RBL1: variants seen among roughly 807,000 people sequenced by gnomAD.
RBL1 encodes RB transcriptional corepressor like 1.
A neutral mutation model predicts 123.0 loss-of-function variants in RBL1; 82 were observed. The ratio of observed to expected loss-of-function variants is 0.67; its 90% confidence interval spans 0.56 to 0.80. The LOEUF is 0.80. RBL1 is among the 30% of genes least tolerant of loss of function. The probability of loss-of-function intolerance (pLI) is 0.00; values close to 1 mark genes in which losing one functional copy is unlikely to be tolerated. For synonymous variants in RBL1, 405 were observed against 441.3 expected (o/e 0.92, Z 1.03); for missense variants, 1,171 against 1,299.6 (o/e 0.90, Z 1.52).
At chr20:37,082,403 G>A (rs889586778) in intron 2 of RBL1, among the ~76,000 whole-genome samples, 1 of 152,096 alleles carries the variant, frequency 6.6e-6, no homozygotes, top group African/African-American at 2.4e-5. Flanking sequence ...GTGAAGGTAT[G>A]CTGAACTTAA....
chr20:37,042,398 G>A (rs2064744221), intron 13 of RBL1, among the ~76,000 whole-genome samples: 1 of 152,116 alleles, frequency 6.6e-6, no homozygotes, highest in Non-Finnish European at 1.5e-5. Context: ...ACAAGCATTA[G>A]CAAGGATATG....
At position 37,077,788 on chromosome 20, in the gene RBL1, A is replaced by G. The variant is rs200583434; in HGVS notation, c.291-9602T>C. 8.7e-3 allele frequency among the ~76,000 whole-genome samples: 748 copies of G among 86,022 alleles called. 12 individuals carry two copies. The East Asian group carries it at 0.12, about 14-fold the overall frequency. 56.4% of individuals were successfully genotyped at this position (86,022 alleles called of 152,430 possible). Reference sequence around the variant, plus strand: ...AAAATACTTCAGTTTCTATTTTCTGAAAAAAAAAAAAAAAAATTCTCTTAC... The same window carrying G: ...AAAATACTTCAGTTTCTATTTTCTGGAAAAAAAAAAAAAAAATTCTCTTAC... On this transcript the variant is annotated intron_variant, in intron 2 of 21. Transcript: ENST00000373664.
At chr20:37,003,034 T>C (rs2064013278) in intron 21 of RBL1, among the ~76,000 whole-genome samples, 1 of 152,174 alleles carries the variant, frequency 6.6e-6, no homozygotes, top group South Asian at 2.1e-4. Context: ...AGGTATATTA[T>C]CTTAGCCAAC....
At chr20:37,005,509 CAGAG>C (rs768487095) in intron 20 of RBL1, among the ~76,000 whole-genome samples, 1 of 151,684 alleles carries the variant, frequency 6.6e-6, no homozygotes, top group Non-Finnish European at 1.5e-5. Context: ...AAAGCAGTAG[CAGAG>C]AGAATAAAAG....
rs1471926636 is a variant in RBL1 at position 36,997,135 on chromosome 20, G to A, written c.*1624C>T. The A allele has an allele frequency of 6.6e-6, 1 of 152,128 alleles. No homozygotes were observed. The highest frequency in any genetic ancestry group is 1.5e-5 in the Non-Finnish European group (1 of 68,028). The allele number at this position is 152,128 out of a possible 1,614,324, so 9.4% of individuals were successfully genotyped here. On this transcript the variant is annotated 3_prime_UTR_variant, in exon 22 of 22. Transcript: ENST00000373664. ...AATTAATTATGAGTGGCTTATTCATGTCCTTTGGATTCCAGACACACACTA... is the reference window on the plus strand; with the variant it reads ...AATTAATTATGAGTGGCTTATTCATATCCTTTGGATTCCAGACACACACTA...
At chr20:37,015,441 T>C (rs1451970808) in intron 19 of RBL1, among the ~76,000 whole-genome samples, 2 of 151,966 alleles carry the variant, frequency 1.3e-5, no homozygotes, top group Non-Finnish European at 2.9e-5. Flanking sequence ...TTGTTGTTTT[T>C]TTTTTTTGAG....
chr20:37,073,872 C>T (rs1048147672), intron 2 of RBL1, among the ~76,000 whole-genome samples: 4 of 151,212 alleles, frequency 2.6e-5, no homozygotes, highest in Admixed American at 6.6e-5. Flanking sequence ...ATTAAAAGGC[C>T]GAAGCGGGTG....
intron 1 of RBL1, among the ~76,000 whole-genome samples, chr20:37,091,033 T>A (rs1417252218): frequency 6.6e-6 from 1 of 152,146 alleles, no homozygotes; most frequent in Non-Finnish European, 1.5e-5. Flanking sequence ...ACTTCACTGC[T>A]GAAATACAAT....
At chr20:37,082,583 A>G (rs1193030302) in intron 2 of RBL1, among the ~76,000 whole-genome samples, 1 of 152,148 alleles carries the variant, frequency 6.6e-6, no homozygotes, top group African/African-American at 2.4e-5. Context: ...AAATAATTGG[A>G]AAAAAAGGAT....
chr20:37,072,393 G>A (rs1042598247), intron 2 of RBL1, among the ~76,000 whole-genome samples: 1 of 150,358 alleles, frequency 6.7e-6, no homozygotes, highest in Non-Finnish European at 1.5e-5. Context: ...GCTTGAACCC[G>A]GGAGGTGGAA....
At chr20:37,000,190 G>C (rs2063944867) in intron 21 of RBL1, among the ~76,000 whole-genome samples, 1 of 146,460 alleles carries the variant, frequency 6.8e-6, no homozygotes, top group South Asian at 2.2e-4. Context: ...CGCCCCGTCT[G>C]AGAAGTGAGG....
intron 2 of RBL1, among the ~76,000 whole-genome samples, chr20:37,087,558 G>C (rs2146334258): frequency 6.6e-6 from 1 of 152,274 alleles, no homozygotes; most frequent in African/African-American, 2.4e-5. Flanking sequence ...CTGCACTCGA[G>C]GCCTGGGCAA....
chr20:37,013,710 G>A (rs1362976387), intron 19 of RBL1, among the ~76,000 whole-genome samples: 4 of 152,186 alleles, frequency 2.6e-5, no homozygotes, highest in African/African-American at 9.6e-5. Flanking sequence ...GCTCTGAGAA[G>A]TCCTGTGTCC....
chr20:37,045,445 A>G (rs371777912), intron 12 of RBL1, among the ~76,000 whole-genome samples: 1 of 151,912 alleles, frequency 6.6e-6, no homozygotes, highest in East Asian at 1.9e-4. Context: ...AGCACATATC[A>G]TTTATGTCAT....
intron 21 of RBL1, among the ~76,000 whole-genome samples, chr20:37,001,023 T>TG (rs1169634664): frequency 1.2e-3 from 108 of 91,100 alleles, no homozygotes; most frequent in East Asian, 3.7e-3. Context: ...GGGAGGGAGG[T>TG]GGGGGGGGTC....
intron 19 of RBL1, among the ~76,000 whole-genome samples, chr20:37,015,422 CTTTTTTTGTTGTTGTTTTT>C (rs1417522800): frequency 6.6e-6 from 1 of 151,614 alleles, no homozygotes; most frequent in Non-Finnish European, 1.5e-5. Context: ...TAGAAAATGG[CTTTTTTTGTTGTTGTTTTT>C]TTTTTTTGAG....
rs922544054 is a variant in RBL1 at position 36,997,722 on chromosome 20, T to C, written c.*1037A>G. On this transcript the variant is annotated 3_prime_UTR_variant, in exon 22 of 22. Transcript: ENST00000373664. ...AGAAGCAGCTGCCTATTTTGAGAAC[T>C]ACATGAGTTAATACGATCATATATA... The C allele has an allele frequency of 6.6e-6, 1 of 152,158 alleles. No homozygotes were observed. Among genetic ancestry groups the C allele is most frequent in the Non-Finnish European group, 1.5e-5 (1 of 68,032 alleles). The allele number at this position is 152,158 out of a possible 1,614,324, so 9.4% of individuals were successfully genotyped here.
intron 2 of RBL1, among the ~76,000 whole-genome samples, chr20:37,071,975 A>T (rs1372037281): frequency 6.6e-6 from 1 of 152,146 alleles, no homozygotes; most frequent in East Asian, 1.9e-4. Flanking sequence ...TTTTTAAATA[A>T]GTCACCCAAC....
At chr20:37,016,851 G>T (rs6030761) in intron 19 of RBL1, among the ~76,000 whole-genome samples, 1,862 of 151,070 alleles carry the variant, frequency 0.012, 45 homozygotes, top group African/African-American at 0.043. Flanking sequence ...GCCACTGCAT[G>T]CCTGCCTGGG....
Sources: gnomAD v4.1 joint callset for allele counts (sites outside exome capture counted in the v4.1 genomes callset) on GRCh38, gnomAD v4.1.1 for gene constraint, MANE v1.5 for transcripts, NCBI Gene and HGNC (gene_info 2026-07-23, HGNC 2026-07-21) for gene names.